SDK1: variants seen among roughly 807,000 people sequenced by gnomAD.
SDK1 encodes protein sidekick-1.
In SDK1, 157 loss-of-function variants were observed where a neutral mutation model predicts 245.5. That is an observed-to-expected ratio of 0.64 (90% CI 0.56 to 0.73). SDK1 has a LOEUF of 0.73. Among genes scored for constraint, SDK1 ranks in the 30% least tolerant of loss-of-function variants. The pLI, the probability that SDK1 is intolerant of heterozygous loss-of-function variation, is 0.00. For missense variants in SDK1, 3,583 were observed against 3,002.3 expected (o/e 1.19, Z -4.52); for synonymous variants, 1,647 against 1,278.5 (o/e 1.29, Z -6.15).
intron 5 of SDK1, among the ~76,000 whole-genome samples, chr7:3,897,282 T>A (rs914415995): frequency 9.9e-5 from 15 of 152,198 alleles, no homozygotes; most frequent in Non-Finnish European, 1.8e-4. Flanking sequence ...TTCTGCACAC[T>A]CATCACCATC....
rs139461830 is a variant in SDK1, at chr7:4,129,641, C to T, written c.3940-267C>T. On this transcript the variant is annotated intron_variant, in intron 26 of 44. Transcript: ENST00000404826. ...GTTGGCATGGCTGCAGTTGGGCCCT[C>T]AGATCTTGCAGATTATGACCAGGCA... is the stretch of plus-strand genomic sequence containing the variant. The T allele has an allele frequency of 2.2e-5, 29 of 1,331,806 alleles. No individual in the cohort carries two copies. In the East Asian group the frequency reaches 9.3e-4, roughly 43 times the overall value. 82.5% of individuals were successfully genotyped at this position (1,331,806 alleles called of 1,614,324 possible). A position where few individuals can be genotyped will look rare whatever the true frequency, so the allele number is the denominator to read the frequency against.
In SDK1 at chr7:4,268,729, C is replaced by T. The variant is rs1182586697; in HGVS notation, c.*3345C>T. On this transcript the variant is annotated 3_prime_UTR_variant, in exon 45 of 45. Transcript: ENST00000404826. The stretch of plus-strand genomic sequence containing the variant: ...CGTCTGCGTACCTAAGTGTGGCTCC[C>T]CGTGGGTCAGCGTCCTGGTAGCATG... 4.4e-6 allele frequency: 6 copies of T among 1,367,848 alleles called. No homozygotes were observed. The highest frequency in any genetic ancestry group is 5.9e-6 in the Non-Finnish European group (6 of 1,022,004). The allele number at this position is 1,367,848 out of a possible 1,614,324, so 84.7% of individuals were successfully genotyped here.
intron 4 of SDK1, among the ~76,000 whole-genome samples, chr7:3,693,459 A>G (rs1784488696): frequency 6.6e-6 from 1 of 152,140 alleles, no homozygotes; most frequent in Admixed American, 6.5e-5. Flanking sequence ...GTTTGAGGAG[A>G]ACTGACATCT....
At chr7:3,611,766 C>A (rs541986136) in intron 1 of SDK1, among the ~76,000 whole-genome samples, 6 of 151,858 alleles carry the variant, frequency 4.0e-5, no homozygotes, top group Admixed American at 6.6e-5. Flanking sequence ...CAAATCGAAA[C>A]CACAATGCTA....
chr7:3,530,538 G>A (rs1783306523), intron 1 of SDK1, among the ~76,000 whole-genome samples: 5 of 152,168 alleles, frequency 3.3e-5, no homozygotes, highest in African/African-American at 9.6e-5. Flanking sequence ...ATTCACTCAT[G>A]CTTTGTAAAA....
intron 1 of SDK1, among the ~76,000 whole-genome samples, chr7:3,314,274 A>G (rs577266691): frequency 3.3e-5 from 5 of 152,228 alleles, no homozygotes; most frequent in Non-Finnish European, 7.3e-5. Context: ...GAGGAACCCA[A>G]CACCTAGATC....
intron 17 of SDK1, among the ~76,000 whole-genome samples, chr7:4,020,735 G>T (rs771193377): frequency 1.7e-4 from 26 of 152,262 alleles, no homozygotes; most frequent in Non-Finnish European, 2.8e-4. Context: ...AGCCCTTCCT[G>T]GGAGTCCATC....
intron 1 of SDK1, among the ~76,000 whole-genome samples, chr7:3,318,573 T>A (rs762824738): frequency 2.0e-5 from 3 of 152,232 alleles, no homozygotes; most frequent in Non-Finnish European, 4.4e-5. Flanking sequence ...CATTACTTAT[T>A]ACTTGTTTCG....
chr7:3,695,335 T>C (rs555031621), intron 4 of SDK1, among the ~76,000 whole-genome samples: 4 of 152,302 alleles, frequency 2.6e-5, no homozygotes, highest in African/African-American at 9.6e-5. Context: ...TTATGCCAAA[T>C]AGATGCTCAT....
chr7:4,167,973 C>T (rs1781597736), intron 32 of SDK1, among the ~76,000 whole-genome samples: 1 of 152,230 alleles, frequency 6.6e-6, no homozygotes, highest in South Asian at 2.1e-4. Context: ...CTGCTGATGC[C>T]TCCGAGCACC....
At chr7:3,944,986 A>C (rs1286794615) in intron 5 of SDK1, among the ~76,000 whole-genome samples, 1 of 152,152 alleles carries the variant, frequency 6.6e-6, no homozygotes, top group African/African-American at 2.4e-5. Context: ...AGAACAGTCT[A>C]TGTTGTAATC....
chr7:3,936,454 A>G (rs1412393952), intron 5 of SDK1, among the ~76,000 whole-genome samples: 2 of 151,978 alleles, frequency 1.3e-5, no homozygotes, highest in East Asian at 3.9e-4. Context: ...GCATGGTGGC[A>G]GGTGCCTATA....
intron 2 of SDK1, among the ~76,000 whole-genome samples, chr7:3,626,579 C>T (rs1053430434): frequency 6.6e-6 from 1 of 152,222 alleles, no homozygotes; most frequent in Non-Finnish European, 1.5e-5. Flanking sequence ...CTTTGTAGGG[C>T]CATGGATTCT....
chr7:3,946,480 AT>A (rs558961778), intron 5 of SDK1, among the ~76,000 whole-genome samples: 5,479 of 147,666 alleles, frequency 0.037, 243 homozygotes, highest in African/African-American at 0.11. Context: ...ACACCTGCTA[AT>A]TTTTTTTTTT....
intron 22 of SDK1, among the ~76,000 whole-genome samples, chr7:4,105,251 G>A (rs1782824863): frequency 6.6e-6 from 1 of 152,046 alleles, no homozygotes; most frequent in South Asian, 2.1e-4. Context: ...CCAAAGTGCT[G>A]GGATTACAGG....
intron 3 of SDK1, among the ~76,000 whole-genome samples, 163 bp downstream of exon 3, chr7:3,639,273 G>C (rs1462076974): frequency 6.6e-6 from 1 of 152,168 alleles, no homozygotes; most frequent in Non-Finnish European, 1.5e-5. Flanking sequence ...AGCAGCCAGC[G>C]TGGCTGGCCA....
Position 3,350,130 on chromosome 7 carries a change from G to A in SDK1, c.298+48246G>A, listed in dbSNP as rs59223438. On this transcript the variant is annotated intron_variant, in intron 1 of 44. Transcript: ENST00000404826. ...AACAGTAAGTTTAGCTTAGGGAGAG[G>A]TAAGCCATTTTAAGTCTATCAGTAT... 8.3e-3 allele frequency among the ~76,000 whole-genome samples: 1,264 copies of A among 152,274 alleles called. 23 individuals carry two copies. The highest frequency in any genetic ancestry group is 0.029 in the African/African-American group (1,189 of 41,558).
At chr7:4,065,694 G>GTTTTTTTTTTTTTTT (rs749991713) in intron 19 of SDK1, among the ~76,000 whole-genome samples, 4 of 66,756 alleles carry the variant, frequency 6.0e-5, no homozygotes, top group Admixed American at 2.7e-4. Flanking sequence ...AGTGGTTGTT[G>GTTTTTTTTTTTTTTT]TTTTTTTTTT....
chr7:3,973,528 C>G (rs1305611750), intron 12 of SDK1, among the ~76,000 whole-genome samples: 1 of 152,104 alleles, frequency 6.6e-6, no homozygotes, highest in Non-Finnish European at 1.5e-5. Flanking sequence ...TAAGGACCAT[C>G]TGCCAGAATG....
Sources: gnomAD v4.1 joint callset for allele counts (sites outside exome capture counted in the v4.1 genomes callset) on GRCh38, gnomAD v4.1.1 for gene constraint, MANE v1.5 for transcripts, NCBI Gene and HGNC (gene_info 2026-07-23, HGNC 2026-07-21) for gene names.